Variants in CABLES1 observed in about 807,000 individuals in gnomAD.
CABLES1 encodes CDK5 and ABL1 enzyme substrate 1.
CABLES1 carries 36 observed loss-of-function variants against 57.8 expected under a neutral mutation model. The ratio of observed to expected loss-of-function variants is 0.62; its 90% CI spans 0.48 to 0.82. CABLES1 has a LOEUF of 0.82. Ranked by LOEUF, CABLES1 falls within the 40% of genes least tolerant of loss-of-function variation. The pLI is 0.00. For synonymous variants in CABLES1, 374 were observed against 363.0 expected (o/e 1.03, Z -0.35); for missense variants, 767 against 836.6 (o/e 0.92, Z 1.03).
intron 2 of CABLES1, chr18:23,189,133 G>T: frequency 2.1e-6 from 1 of 486,476 alleles, no homozygotes; most frequent in East Asian, 3.7e-5. Flanking sequence ...TTTGCATGGA[G>T]ATTTGGGTGC....
Position 23,236,707 on chromosome 18 carries a change from A to AT in CABLES1, c.1343-432dup, listed in dbSNP as rs369102140. On this transcript the variant is annotated intron_variant, in intron 6 of 9. Transcript: ENST00000256925. ...CAGCTGTGCCTTGGTGGCCGCTCTG[A>AT]TTTGTATTCATACGGACACAATAGC... 2.8e-4 allele frequency among the ~76,000 whole-genome samples: 42 copies of AT among 152,058 alleles called. 1 individual carries two copies. The highest frequency in any genetic ancestry group is 9.7e-4 in the African/African-American group (40 of 41,388).
Position 23,234,594 on chromosome 18 carries a change from A to T in CABLES1, c.1089-14A>T, listed in dbSNP as rs1186196811. 6.2e-7 allele frequency: 1 copy of T among 1,606,206 alleles called. No individual in the cohort carries two copies. Among genetic ancestry groups the T allele is most frequent in the Admixed American group, 1.7e-5 (1 of 59,830 alleles). The stretch of plus-strand genomic sequence containing the variant: ...CACAAAAGCATTTTTTTTTCCTCTG[A>T]CTTGTCCTCCCAGGGACTTGAAGTT... On this transcript the variant is annotated splice_polypyrimidine_tract_variant and intron_variant, in intron 4 of 9. Coordinates refer to ENST00000256925, the MANE Select transcript of CABLES1 (RefSeq NM_001100619.3).
At chr18:23,183,799 A>G (rs556343476) in intron 1 of CABLES1, among the ~76,000 whole-genome samples, 23 of 152,312 alleles carry the variant, frequency 1.5e-4, no homozygotes, top group Non-Finnish European at 2.9e-4. Context: ...TAAGTCTATA[A>G]TGATAAGGAG....
At chr18:23,218,258 ACATCCTCACTTGCCCTGCCTCCCG>A (rs1181366133) in intron 4 of CABLES1, among the ~76,000 whole-genome samples, 54 of 139,112 alleles carry the variant, frequency 3.9e-4, no homozygotes, top group South Asian at 1.2e-3. Context: ...CCTGCCTCCC[ACATCCTCACTTGCCCTGCCTCCCG>A]CATCCTCACT....
At chr18:23,166,514 A>G (rs746543618) in intron 1 of CABLES1, among the ~76,000 whole-genome samples, 1 of 152,150 alleles carries the variant, frequency 6.6e-6, no homozygotes, top group Non-Finnish European at 1.5e-5. Context: ...ACATTTTTTT[A>G]AACTATGTAT....
chr18:23,143,714 GCAGGTC>G (rs1316665267), intron 1 of CABLES1, among the ~76,000 whole-genome samples: 2 of 152,096 alleles, frequency 1.3e-5, no homozygotes, highest in East Asian at 3.9e-4. Context: ...CAGGAAGTGT[GCAGGTC>G]CCCTTGGCCC....
At chr18:23,202,525 A>G (rs1295871555) in intron 3 of CABLES1, among the ~76,000 whole-genome samples, 3 of 152,132 alleles carry the variant, frequency 2.0e-5, no homozygotes, top group Non-Finnish European at 2.9e-5. Context: ...TTCACTGAGA[A>G]CCCTACTTGT....
chr18:23,238,356 T>TA (rs1956452355), intron 7 of CABLES1, among the ~76,000 whole-genome samples: 1 of 152,248 alleles, frequency 6.6e-6, no homozygotes, highest in Admixed American at 6.5e-5. Context: ...CTTTGGCACA[T>TA]AGTTCAGTGG....
At chr18:23,175,820 G>T (rs1427905305) in intron 1 of CABLES1, among the ~76,000 whole-genome samples, 1 of 152,118 alleles carries the variant, frequency 6.6e-6, no homozygotes, top group Non-Finnish European at 1.5e-5. Flanking sequence ...TATACTTAAG[G>T]ATTTATTGAG....
At chr18:23,223,394 A>G (rs1367508131) in intron 4 of CABLES1, among the ~76,000 whole-genome samples, 1 of 152,010 alleles carries the variant, frequency 6.6e-6, no homozygotes, top group Non-Finnish European at 1.5e-5. Flanking sequence ...CCTGGCCGAC[A>G]TGATGAAACC....
In CABLES1 at chr18:23,257,905, T is replaced by A. The variant is rs1269334602; in HGVS notation, c.*538T>A. ...GTGCAAGTGTCTGAGAGATACTGCATCAGCCCTAGACCCCCAGAGCCAGTC... is the reference window on the plus strand; with the variant it reads ...GTGCAAGTGTCTGAGAGATACTGCAACAGCCCTAGACCCCCAGAGCCAGTC... On this transcript the variant is annotated 3_prime_UTR_variant, in exon 10 of 10. Coordinates refer to ENST00000256925, the MANE Select transcript of CABLES1 (RefSeq NM_001100619.3). 1 of 152,426 alleles carries A rather than the reference T, an allele frequency of 6.6e-6. No homozygotes were observed. Among genetic ancestry groups the A allele is most frequent in the Middle Eastern group, 3.2e-3 (1 of 316 alleles). 9.4% of individuals were successfully genotyped at this position (152,426 alleles called of 1,614,324 possible).
intron 3 of CABLES1, 75 bp downstream of exon 3, chr18:23,194,615 TG>T: frequency 2.1e-6 from 2 of 964,406 alleles, no homozygotes; most frequent in Non-Finnish European, 1.7e-6. Flanking sequence ...ACAGTTTTAG[TG>T]GCCAAAACTC....
chr18:23,136,703 C>T lies in CABLES1; in HGVS notation c.845+96C>T, dbSNP rs989946937. ...CTGGGCTACGGGACACGGGTTGCTC[C>T]CATTTTCCCGCGCCCTGCCGGATCC... On this transcript the variant is annotated intron_variant, in intron 1 of 9. Coordinates refer to ENST00000256925, the MANE Select transcript of CABLES1 (RefSeq NM_001100619.3). 29 of 823,432 alleles carry T rather than the reference C, an allele frequency of 3.5e-5. No homozygotes were observed. In the Admixed American group the frequency reaches 3.6e-4, roughly 10 times the overall value. The allele number at this position is 823,432 out of a possible 1,614,324, so 51.0% of individuals were successfully genotyped here. A position where few individuals can be genotyped will look rare whatever the true frequency, so the allele number is the denominator to read the frequency against.
chr18:23,177,001 CTGACTGTGGAGGAAGGGACAGGAGTG>C (rs1023486913), intron 1 of CABLES1, among the ~76,000 whole-genome samples: 1 of 152,144 alleles, frequency 6.6e-6, no homozygotes, highest in Non-Finnish European at 1.5e-5. Flanking sequence ...CCGTTCTCTC[CTGACTGTGGAGGAAGGGACAGGAGTG>C]TGTCCCTCCA....
intron 3 of CABLES1, chr18:23,197,025 A>C (rs76453048): frequency 0.041 from 6,271 of 152,372 alleles, 152 homozygotes; most frequent in Middle Eastern, 0.085. Flanking sequence ...TGGACTTCTC[A>C]TCTCAGCAAG....
chr18:23,185,214 G>A (rs1376282031), intron 1 of CABLES1, among the ~76,000 whole-genome samples: 2 of 152,144 alleles, frequency 1.3e-5, no homozygotes, highest in Non-Finnish European at 2.9e-5. Flanking sequence ...TTATTGGGTC[G>A]TGTGCTTTTG....
chr18:23,220,250 G>A (rs2047476710), intron 4 of CABLES1, among the ~76,000 whole-genome samples: 1 of 152,192 alleles, frequency 6.6e-6, no homozygotes, highest in African/African-American at 2.4e-5. Flanking sequence ...AAGCATGTGT[G>A]TGAATGTGAT....
intron 3 of CABLES1, among the ~76,000 whole-genome samples, chr18:23,206,848 T>G (rs1464977431): frequency 1.3e-5 from 2 of 150,294 alleles, no homozygotes; most frequent in African/African-American, 2.5e-5. Flanking sequence ...GGGGTCTTGC[T>G]CTGTCACCCA....
intron 7 of CABLES1, among the ~76,000 whole-genome samples, chr18:23,242,219 A>C (rs1426862311): frequency 3.9e-5 from 6 of 152,184 alleles, no homozygotes; most frequent in Non-Finnish European, 8.8e-5. Context: ...CAGAAGTTGC[A>C]GTGAGCTGAG....
Sources: gnomAD v4.1 joint callset for allele counts (sites outside exome capture counted in the v4.1 genomes callset) on GRCh38, gnomAD v4.1.1 for gene constraint, MANE v1.5 for transcripts, NCBI Gene and HGNC (gene_info 2026-07-23, HGNC 2026-07-21) for gene names.